Variants in WDR7 observed in about 807,000 individuals in gnomAD.
WDR7 encodes WD repeat-containing protein 7.
In WDR7, 46 loss-of-function variants were observed where a neutral mutation model predicts 169.4. The ratio of observed to expected loss-of-function variants is 0.27; its 90% CI spans 0.21 to 0.35. WDR7 has a LOEUF of 0.35. WDR7 is among the 10% of genes least tolerant of loss of function. The pLI, the probability that WDR7 is intolerant of heterozygous loss-of-function variation, is 1.00. For missense variants in WDR7, 1,534 were observed against 1,859.3 expected, an observed-to-expected ratio of 0.83 and a Z score of 3.22; for synonymous variants, 612 against 666.8, an observed-to-expected ratio of 0.92 and a Z score of 1.27.
intron 2 of WDR7, among the ~76,000 whole-genome samples, chr18:56,676,832 T>TA (rs2025254708): frequency 6.6e-6 from 1 of 151,750 alleles, no homozygotes. Context: ...CACCCCAGCC[T>TA]CCAAGTATCT....
chr18:56,724,534 G>C (rs1165710751), intron 13 of WDR7, among the ~76,000 whole-genome samples: 1 of 151,736 alleles, frequency 6.6e-6, no homozygotes, highest in East Asian at 1.9e-4. Context: ...TTTTTTATTA[G>C]ACACCAGATA....
chr18:56,674,145 G>A (rs1337674828), intron 2 of WDR7, among the ~76,000 whole-genome samples: 1 of 152,118 alleles, frequency 6.6e-6, no homozygotes, highest in Non-Finnish European at 1.5e-5. Context: ...GTATACACCC[G>A]AGCGTGGAAT....
intron 26 of WDR7, among the ~76,000 whole-genome samples, chr18:56,968,045 T>G (rs1325866019): frequency 6.6e-6 from 1 of 152,138 alleles, no homozygotes; most frequent in African/African-American, 2.4e-5. Flanking sequence ...CTATGTCACT[T>G]GGAGGCGTCA....
chr18:56,719,669 G>A lies in WDR7; in HGVS notation c.1774+1510G>A, dbSNP rs375695044. On this transcript the variant is annotated intron_variant, in intron 13 of 27. Coordinates refer to ENST00000254442, the MANE Select transcript of WDR7 (RefSeq NM_015285.3). ...CCTATCTGCTGAATAGCAGTCTTGT[G>A]TTTTCTTTTTTGGTCCACTTCATAA... Among the ~76,000 whole-genome samples, 6 of 151,640 alleles carry A rather than the reference G, an allele frequency of 4.0e-5. No individual in the cohort carries two copies. The East Asian group carries it at 5.8e-4, about 15-fold the overall frequency.
chr18:56,817,343 C>CA (rs79929553), intron 20 of WDR7, among the ~76,000 whole-genome samples: 5,512 of 70,110 alleles, frequency 0.079, 210 homozygotes, highest in African/African-American at 0.17. Flanking sequence ...GACTCTGTCT[C>CA]AAAAAAAAAA....
intron 20 of WDR7, among the ~76,000 whole-genome samples, chr18:56,830,986 G>A (rs1418066746): frequency 2.0e-5 from 3 of 152,162 alleles, no homozygotes; most frequent in Non-Finnish European, 4.4e-5. Flanking sequence ...TATTCACTCT[G>A]TGCAGCTTAA....
intron 26 of WDR7, among the ~76,000 whole-genome samples, chr18:56,982,380 A>G (rs2145833660): frequency 6.6e-6 from 1 of 152,294 alleles, no homozygotes; most frequent in East Asian, 1.9e-4. Flanking sequence ...CATATTAGCA[A>G]AGGTATCAGA....
intron 20 of WDR7, among the ~76,000 whole-genome samples, chr18:56,841,430 G>A (rs779636814): frequency 6.6e-6 from 1 of 151,460 alleles, no homozygotes; most frequent in Non-Finnish European, 1.5e-5. Context: ...TATAATCGCA[G>A]CTACTTGGGA....
rs769016728 is a variant in WDR7, at chr18:56,756,676, G to A, written c.2083G>A (p.Val695Met). 43 of 1,614,012 alleles carry A rather than the reference G, an allele frequency of 2.7e-5. No homozygotes were observed. Among genetic ancestry groups the A allele is most frequent in the Non-Finnish European group, 5.1e-6 (6 of 1,180,028 alleles). Residue 695 changes from valine (V) to methionine (M), a missense_variant, in exon 15 of 28, where the codon GTG becomes ATG. Physicochemically the swap from Val to Met is conservative, Grantham distance 21 (BLOSUM62 1). Coordinates refer to ENST00000254442, the MANE Select transcript of WDR7 (RefSeq NM_015285.3). ...GGACATACATGTGCTATTCTTTGATGTGGAAGCGTTGATTATTCAACTCCT... is the reference window on the plus strand; with the variant it reads ...GGACATACATGTGCTATTCTTTGATATGGAAGCGTTGATTATTCAACTCCT... Reference protein sequence around the residue: ...DPDIHVLFFDVEALIIQLLTE... With the variant: ...DPDIHVLFFDMEALIIQLLTE...
At chr18:56,887,535 A>G (rs2046213371) in intron 21 of WDR7, among the ~76,000 whole-genome samples, 1 of 152,186 alleles carries the variant, frequency 6.6e-6, no homozygotes, top group Non-Finnish European at 1.5e-5. Flanking sequence ...CCTCATAGAA[A>G]CAATTTAAAA....
chr18:56,847,825 A>G (rs1470791535), intron 20 of WDR7, among the ~76,000 whole-genome samples: 1 of 152,230 alleles, frequency 6.6e-6, no homozygotes, highest in Non-Finnish European at 1.5e-5. Context: ...TTGCAGGTGA[A>G]CAGAATGCAA....
At chr18:56,700,531 A>G (rs187080287) in intron 12 of WDR7, among the ~76,000 whole-genome samples, 6 of 145,884 alleles carry the variant, frequency 4.1e-5, no homozygotes, top group Non-Finnish European at 7.5e-5. Context: ...CTGGGATTAC[A>G]GGTGTGAGCC....
chr18:56,785,049 T>C (rs2044377037), intron 19 of WDR7, among the ~76,000 whole-genome samples: 1 of 152,220 alleles, frequency 6.6e-6, no homozygotes, highest in Admixed American at 6.5e-5. Context: ...TTTAGTTTGC[T>C]TTACTGTGAG....
At position 56,691,762 on chromosome 18, in the gene WDR7, T is replaced by C. The variant is rs746501496; in HGVS notation, c.911T>C (p.Val304Ala). 6.2e-7 allele frequency: 1 copy of C among 1,612,778 alleles called. No individual in the cohort carries two copies. Residue 304 changes from valine to alanine, a missense_variant, in exon 9 of 28, where the codon GTT becomes GCT. Physicochemically the swap from Val to Ala is moderately conservative, Grantham distance 64 (BLOSUM62 0). Coordinates refer to ENST00000254442, the MANE Select transcript of WDR7 (RefSeq NM_015285.3). ...DSFRSDVGKAVENLIPPVQHI... is the reference protein window; with the variant it reads ...DSFRSDVGKAAENLIPPVQHI... ...TTCCGCAGTGATGTGGGGAAGGCAG[T>C]TGAAAATTTAATTCCTCCTGTACAA...
At chr18:56,784,519 G>A (rs2044365310) in intron 19 of WDR7, among the ~76,000 whole-genome samples, 1 of 152,190 alleles carries the variant, frequency 6.6e-6, no homozygotes, top group Non-Finnish European at 1.5e-5. Flanking sequence ...TTATAAGTGA[G>A]AACGTATATT....
intron 20 of WDR7, among the ~76,000 whole-genome samples, chr18:56,861,179 A>G (rs1374336181): frequency 3.3e-5 from 5 of 152,196 alleles, no homozygotes; most frequent in Non-Finnish European, 1.5e-5. Flanking sequence ...TAGATCATCT[A>G]AGATTCAATA....
intron 21 of WDR7, among the ~76,000 whole-genome samples, chr18:56,901,212 C>T (rs2046396433): frequency 6.6e-6 from 1 of 152,140 alleles, no homozygotes; most frequent in Non-Finnish European, 1.5e-5. Flanking sequence ...CCAGTGTGGG[C>T]ATAGCAAGAC....
intron 25 of WDR7, among the ~76,000 whole-genome samples, chr18:56,952,787 G>T (rs2047201148): frequency 6.6e-6 from 1 of 152,144 alleles, no homozygotes; most frequent in Admixed American, 6.5e-5. Flanking sequence ...GCCATGAAAA[G>T]ACATGGAGAA....
chr18:56,675,672 T>C (rs2025228785), intron 2 of WDR7, among the ~76,000 whole-genome samples: 1 of 151,892 alleles, frequency 6.6e-6, no homozygotes, highest in South Asian at 2.1e-4. Flanking sequence ...TACTTTTTGC[T>C]TTCTAATAGG....
Sources: gnomAD v4.1 joint callset for allele counts (sites outside exome capture counted in the v4.1 genomes callset) on GRCh38, gnomAD v4.1.1 for gene constraint, MANE v1.5 for transcripts, NCBI Gene and HGNC (gene_info 2026-07-23, HGNC 2026-07-21) for gene names.